Variants in PBX1 observed in about 807,000 individuals in gnomAD.
PBX1 encodes the protein PBX homeobox 1.
PBX1 carries 6 observed loss-of-function variants against 53.4 expected under a neutral mutation model. That is an observed-to-expected ratio of 0.11 (90% CI 0.06 to 0.22). The LOEUF (loss-of-function observed/expected upper bound fraction) is 0.22. Ranked by LOEUF, PBX1 falls within the 10% of genes least tolerant of loss-of-function variation. The probability of loss-of-function intolerance (pLI) is 1.00; values close to 1 mark genes in which losing one functional copy is unlikely to be tolerated. For synonymous variants in PBX1, 204 were observed against 212.3 expected, an observed-to-expected ratio of 0.96 and a Z score of 0.34; for missense variants, 251 against 551.4, an observed-to-expected ratio of 0.46 and a Z score of 5.46.
At chr1:164,745,385 C>T (rs543105801) in intron 2 of PBX1, among the ~76,000 whole-genome samples, 1 of 152,260 alleles carries the variant, frequency 6.6e-6, no homozygotes, top group East Asian at 1.9e-4. Context: ...TAGATAATAA[C>T]AGTTTTATCT....
intron 2 of PBX1, among the ~76,000 whole-genome samples, chr1:164,881,645 G>A (rs534818519): frequency 6.7e-6 from 1 of 148,196 alleles, no homozygotes; most frequent in Non-Finnish European, 1.5e-5. Flanking sequence ...GGGAGGAAAA[G>A]TGGGGAAAAA....
intron 2 of PBX1, among the ~76,000 whole-genome samples, chr1:164,643,149 C>T (rs1659244588): frequency 6.6e-6 from 1 of 152,122 alleles, no homozygotes; most frequent in African/African-American, 2.4e-5. Flanking sequence ...GATGTTGCCC[C>T]ATCCATCTTC....
chr1:164,629,491 A>C (rs1658270199), intron 2 of PBX1, among the ~76,000 whole-genome samples: 1 of 152,174 alleles, frequency 6.6e-6, no homozygotes, highest in South Asian at 2.1e-4. Context: ...AAAGGGAGTC[A>C]CAGAACTGAG....
At chr1:164,795,094 G>T (rs1158400882) in intron 3 of PBX1, among the ~76,000 whole-genome samples, 2 of 152,268 alleles carry the variant, frequency 1.3e-5, no homozygotes, top group East Asian at 3.9e-4. Context: ...AACGGCACTT[G>T]CTCCTCAAGG....
intron 2 of PBX1, among the ~76,000 whole-genome samples, chr1:164,575,774 A>T (rs1273423541): frequency 6.6e-6 from 1 of 152,110 alleles, no homozygotes; most frequent in Non-Finnish European, 1.5e-5. Flanking sequence ...TAAATATTTA[A>T]AAACAAAGAG....
intron 8 of PBX1, among the ~76,000 whole-genome samples, chr1:164,825,317 GACAC>G (rs2102375533): frequency 6.6e-6 from 1 of 152,112 alleles, no homozygotes; most frequent in African/African-American, 2.4e-5. Context: ...CTTTATCACA[GACAC>G]ACATTTTCTT....
chr1:164,563,190 T>A, intron 1 of PBX1, 48 bp from the exon 2 acceptor site: 1 of 1,330,210 alleles, frequency 7.5e-7, no homozygotes. Flanking sequence ...TATCGGCAGT[T>A]TGATCTTGAG....
At chr1:164,665,706 C>T (rs1660766576) in intron 2 of PBX1, among the ~76,000 whole-genome samples, 1 of 152,198 alleles carries the variant, frequency 6.6e-6, no homozygotes, top group South Asian at 2.1e-4. Flanking sequence ...CTGGAAACAC[C>T]TCTACCTCTG....
chr1:164,633,199 G>C (rs1244831771), intron 2 of PBX1, among the ~76,000 whole-genome samples: 1 of 151,348 alleles, frequency 6.6e-6, no homozygotes, highest in African/African-American at 2.4e-5. Context: ...GCCCAAGCTG[G>C]AGTGCAGTGG....
At chr1:164,764,645 TTC>T (rs1341008935) in intron 2 of PBX1, among the ~76,000 whole-genome samples, 3 of 152,238 alleles carry the variant, frequency 2.0e-5, no homozygotes, top group Admixed American at 6.5e-5. Context: ...GCTGCATTTT[TTC>T]TTTTTCTTAT....
chr1:164,858,634 T>G (rs1421774205), intron 2 of PBX1, among the ~76,000 whole-genome samples: 2 of 152,178 alleles, frequency 1.3e-5, no homozygotes, highest in Non-Finnish European at 2.9e-5. Context: ...GGGGTGACTG[T>G]GCAGTGTGGC....
chr1:164,666,094 A>G (rs766944783), intron 2 of PBX1, among the ~76,000 whole-genome samples: 1 of 152,198 alleles, frequency 6.6e-6, no homozygotes, highest in African/African-American at 2.4e-5. Flanking sequence ...GGAGTTGAAG[A>G]GATACGGGAT....
At chr1:164,802,952 A>G (rs551874589) in intron 4 of PBX1, among the ~76,000 whole-genome samples, 56 of 152,212 alleles carry the variant, frequency 3.7e-4, no homozygotes, top group African/African-American at 1.3e-3. Context: ...CTGTTTTTCT[A>G]TAACATTTTT....
At chr1:164,811,927 T>TC in intron 5 of PBX1, 63 bp from the exon 6 acceptor site, 1 of 1,435,220 alleles carries the variant, frequency 7.0e-7, no homozygotes, top group Non-Finnish European at 9.5e-7. Context: ...GCCTTTTTTT[T>TC]CTTCTGCAAT....
intron 2 of PBX1, among the ~76,000 whole-genome samples, chr1:164,666,472 G>A (rs533250706): frequency 9.8e-5 from 15 of 152,286 alleles, no homozygotes; most frequent in African/African-American, 3.4e-4. Context: ...TCTCAGATTG[G>A]TCTGAGTAAG....
At chr1:164,877,915 C>A (rs1488306875) in intron 2 of PBX1, among the ~76,000 whole-genome samples, 3 of 152,136 alleles carry the variant, frequency 2.0e-5, no homozygotes, top group East Asian at 1.9e-4. Context: ...CCCAGCCAAC[C>A]ACTGATGGGT....
At chr1:164,758,503 G>C (rs1666641400) in intron 2 of PBX1, among the ~76,000 whole-genome samples, 1 of 152,170 alleles carries the variant, frequency 6.6e-6, no homozygotes, top group East Asian at 1.9e-4. Context: ...CCTGCCTAAT[G>C]GTCCCCAGCA....
At position 164,849,350 on chromosome 1, in the gene PBX1, G is replaced by A. The variant is rs770561375; in HGVS notation, c.*2674G>A. The stretch of plus-strand genomic sequence containing the variant: ...CTTCTCTATACCCAGCACCTCCCCC[G>A]GCACCCCCGGCAAGCCCACTATCAC... On this transcript the variant is annotated 3_prime_UTR_variant, in exon 9 of 9. Coordinates refer to ENST00000420696, the MANE Select transcript of PBX1 (RefSeq NM_002585.4). 2.8e-5 allele frequency: 43 copies of A among 1,535,492 alleles called. No individual in the cohort carries two copies. The highest frequency in any genetic ancestry group is 1.8e-4 in the Admixed American group (9 of 50,976).
chr1:164,791,126 T>C (rs1263977508), intron 2 of PBX1, among the ~76,000 whole-genome samples: 1 of 152,214 alleles, frequency 6.6e-6, no homozygotes, highest in Non-Finnish European at 1.5e-5. Flanking sequence ...TTCTTAAAAA[T>C]TGAAAACACT....
Sources: gnomAD v4.1 joint callset for allele counts (sites outside exome capture counted in the v4.1 genomes callset) on GRCh38, gnomAD v4.1.1 for gene constraint, MANE v1.5 for transcripts, NCBI Gene and HGNC (gene_info 2026-07-23, HGNC 2026-07-21) for gene names.